Variants in PSME4 observed in about 807,000 individuals in gnomAD.
PSME4 encodes the protein proteasome activator subunit 4, also known as proteasome activator complex subunit 4.
Under a neutral mutation model 253.9 loss-of-function variants are expected in PSME4, and 89 were observed. That is an observed-to-expected ratio of 0.35 (90% CI 0.30 to 0.42). The LOEUF (loss-of-function observed/expected upper bound fraction) is 0.42. Among genes scored for constraint, PSME4 ranks in the 10% least tolerant of loss-of-function variants. The probability of loss-of-function intolerance (pLI) is 1.00; values close to 1 mark genes in which losing one functional copy is unlikely to be tolerated. For missense variants in PSME4, 2,014 were observed against 2,195.2 expected, an observed-to-expected ratio of 0.92 and a Z score of 1.65; for synonymous variants, 851 against 759.2, an observed-to-expected ratio of 1.12 and a Z score of -1.99.
At chr2:53,916,358 A>G (rs553261595) in intron 20 of PSME4, among the ~76,000 whole-genome samples, 1 of 152,304 alleles carries the variant, frequency 6.6e-6, no homozygotes, top group African/African-American at 2.4e-5. Flanking sequence ...ACTGTTATTA[A>G]CAATAGATAT....
At chr2:53,897,746 A>C in intron 31 of PSME4, 124 bp downstream of exon 31, 1 of 1,120,206 alleles carries the variant, frequency 8.9e-7, no homozygotes, top group South Asian at 1.6e-5. Flanking sequence ...ACAGGGGGAG[A>C]TTTCAAATCA....
At chr2:53,906,749 T>G in intron 25 of PSME4, 56 bp from the exon 26 acceptor site, 2 of 1,601,044 alleles carry the variant, frequency 1.2e-6, no homozygotes. Context: ...CAAAACTAAA[T>G]ACTCATCTGG....
At chr2:53,936,283 G>C in intron 6 of PSME4, 122 bp from the exon 7 acceptor site, 1 of 1,326,452 alleles carries the variant, frequency 7.5e-7, no homozygotes, top group South Asian at 2.3e-5. Context: ...TAAATAGATA[G>C]TTTATGACTT....
chr2:53,940,981 A>ATATATAT (rs1669419262), intron 3 of PSME4, among the ~76,000 whole-genome samples: 1 of 75,546 alleles, frequency 1.3e-5, no homozygotes, highest in African/African-American at 3.8e-5. Flanking sequence ...ATATATATAT[A>ATATATAT]TATATATATA....
chr2:53,945,907 T>A (rs994744568), intron 3 of PSME4, among the ~76,000 whole-genome samples: 3 of 152,214 alleles, frequency 2.0e-5, no homozygotes, highest in African/African-American at 7.2e-5. Context: ...TATTTTAGAA[T>A]AATTACAATT....
chr2:53,916,431 C>T (rs17039534), intron 20 of PSME4, among the ~76,000 whole-genome samples: 7,615 of 152,094 alleles, frequency 0.05, 407 homozygotes, highest in East Asian at 0.29. Flanking sequence ...TTCATTTTCT[C>T]CCTGACCTAG....
chr2:53,874,455 G>C lies in PSME4; in HGVS notation c.4984C>G (p.Leu1662Val). The change falls in exon 43 of 47, where the codon CTG becomes GTG. Residue 1662 changes from leucine (L) to valine (V), a missense_variant. Coordinates refer to ENST00000404125, the MANE Select transcript of PSME4 (RefSeq NM_014614.3). ...SSSWHARYTV[L>V]TYLQTMVFYN... ...AATACCATGGTCTGGAGGTAGGTCAGTACTGTGTATCGTGCATGCCAAGAA... is the reference window on the plus strand; with the variant it reads ...AATACCATGGTCTGGAGGTAGGTCACTACTGTGTATCGTGCATGCCAAGAA... The C allele has an allele frequency of 1.2e-6, 2 of 1,614,000 alleles. No individual in the cohort carries two copies. Among genetic ancestry groups the C allele is most frequent in the Non-Finnish European group, 1.7e-6 (2 of 1,179,916 alleles).
intron 20 of PSME4, chr2:53,917,240 A>G: frequency 5.8e-6 from 1 of 171,094 alleles, no homozygotes; most frequent in Non-Finnish European, 1.3e-5. Context: ...TTTTCTGGGA[A>G]AAGCAGATAA....
In PSME4 at chr2:53,866,071, C is replaced by T. The variant is rs773747604; in HGVS notation, c.*4+14G>A. The T allele has an allele frequency of 3.8e-6, 6 of 1,595,716 alleles. No homozygotes were observed. The highest frequency in any genetic ancestry group is 8.6e-7 in the Non-Finnish European group (1 of 1,169,004). ...TCACCAAACCAATGTAAATTCAGAA[C>T]TTTGCTGACTTACCTTTCTATGCAT... On this transcript the variant is annotated intron_variant, in intron 46 of 46. Coordinates refer to ENST00000404125, the MANE Select transcript of PSME4 (RefSeq NM_014614.3).
chr2:53,940,429 T>A (rs946887757), intron 3 of PSME4, among the ~76,000 whole-genome samples: 1 of 152,064 alleles, frequency 6.6e-6, no homozygotes, highest in Non-Finnish European at 1.5e-5. Context: ...TCACAACCAA[T>A]TGATGAGAGT....
chr2:53,884,053 T>C (rs1270371750), intron 41 of PSME4, among the ~76,000 whole-genome samples: 1 of 152,202 alleles, frequency 6.6e-6, no homozygotes, highest in Non-Finnish European at 1.5e-5. Context: ...ATCCTCACAC[T>C]CTACACATCT....
chr2:53,919,006 C>T (rs1268684009), intron 20 of PSME4, 145 bp downstream of exon 20: 1 of 693,906 alleles, frequency 1.4e-6, no homozygotes, highest in Non-Finnish European at 2.4e-6. Context: ...TAAATTGTAC[C>T]TCTGGTATTT....
At chr2:53,895,178 T>C (rs1558659891) in intron 33 of PSME4, 102 bp from the exon 34 acceptor site, 2 of 993,742 alleles carry the variant, frequency 2.0e-6, no homozygotes, top group African/African-American at 1.6e-5. Context: ...TCTAACTAGA[T>C]GCTAAGTTTG....
chr2:53,895,170 T>C, intron 33 of PSME4, 94 bp from the exon 34 acceptor site: 4 of 1,063,172 alleles, frequency 3.8e-6, no homozygotes, highest in Non-Finnish European at 5.5e-6. Flanking sequence ...TAATGAACTC[T>C]AACTAGATGC....
At chr2:53,899,710 C>T (rs1048066345) in intron 29 of PSME4, among the ~76,000 whole-genome samples, 171 bp downstream of exon 29, 6 of 151,904 alleles carry the variant, frequency 3.9e-5, no homozygotes, top group Middle Eastern at 3.4e-3. Context: ...CTCAGCTACT[C>T]GGGAGGCTGA....
At chr2:53,968,817 G>A (rs1051168153) in intron 1 of PSME4, among the ~76,000 whole-genome samples, 1 of 152,128 alleles carries the variant, frequency 6.6e-6, no homozygotes, top group African/African-American at 2.4e-5. Flanking sequence ...TATCTAATAA[G>A]CCAAAACAAT....
chr2:53,937,651 C>T, intron 4 of PSME4, 111 bp from the exon 5 acceptor site: 1 of 959,300 alleles, frequency 1.0e-6, no homozygotes. Flanking sequence ...TATGTCATAG[C>T]ATGTAACACA....
intron 24 of PSME4, among the ~76,000 whole-genome samples, chr2:53,907,479 A>G (rs972064431): frequency 5.9e-5 from 9 of 152,048 alleles, no homozygotes; most frequent in Admixed American, 2.0e-4. Context: ...TGTGTTTTTC[A>G]CCTGGAGTGA....
chr2:53,885,639 TCCTTATGAAGGTCAAAAGGAGA>T, intron 41 of PSME4, 29 bp downstream of exon 41: 1 of 1,368,746 alleles, frequency 7.3e-7, no homozygotes, highest in Non-Finnish European at 1.0e-6. Context: ...GAACACAAAT[TCCTTATGAAGGTCAAAAGGAGA>T]TGCATTCTTA....
Sources: allele counts gnomAD v4.1 joint callset (sites outside exome capture counted in the v4.1 genomes callset), GRCh38; gene constraint gnomAD v4.1.1; transcripts MANE v1.5; gene names NCBI Gene and HGNC (gene_info 2026-07-23, HGNC 2026-07-21).